NLRP8: variants seen among roughly 807,000 people sequenced by gnomAD.
The protein encoded by NLRP8 is NLR family pyrin domain containing 8, also known as NACHT, LRR and PYD domains-containing protein 8.
NLRP8 carries 86 observed loss-of-function variants against 88.7 expected under a neutral mutation model. The ratio of observed to expected loss-of-function variants is 0.97; its 90% CI spans 0.81 to 1.16. The LOEUF (loss-of-function observed/expected upper bound fraction) is 1.16. Ranked by LOEUF, NLRP8 falls within the 50% of genes most tolerant of loss-of-function variation. NLRP8 has a pLI of 0.00. For missense variants in NLRP8, 1,342 were observed against 1,286.5 expected, an observed-to-expected ratio of 1.04 and a Z score of -0.66; for synonymous variants, 504 against 494.6, an observed-to-expected ratio of 1.02 and a Z score of -0.25.
At position 55,987,921 on chromosome 19, in the gene NLRP8, A is replaced by G; in HGVS notation, c.*8A>G. 6.3e-7 allele frequency: 1 copy of G among 1,598,044 alleles called. No homozygotes were observed. The highest frequency in any genetic ancestry group is 8.6e-7 in the Non-Finnish European group (1 of 1,165,422). On this transcript the variant is annotated 3_prime_UTR_variant, in exon 10 of 10. Coordinates refer to ENST00000291971, the MANE Select transcript of NLRP8 (RefSeq NM_176811.2). ...TCCCAGATTAATCCTTAGGCCGTCC[A>G]GTCATCTTTCTCTGGGGCTTGATTG... is the stretch of plus-strand genomic sequence containing the variant.
intron 9 of NLRP8, among the ~76,000 whole-genome samples, chr19:55,980,229 G>T (rs1410941525): frequency 6.6e-6 from 1 of 152,138 alleles, no homozygotes; most frequent in African/African-American, 2.4e-5. Flanking sequence ...ATAAAATTGG[G>T]ATGGTGTCTT....
At chr19:55,958,719 T>G (rs960161476) in intron 3 of NLRP8, among the ~76,000 whole-genome samples, 1 of 152,208 alleles carries the variant, frequency 6.6e-6, no homozygotes, top group Non-Finnish European at 1.5e-5. Flanking sequence ...ATTTATTGTC[T>G]TATTATTTTT....
intron 1 of NLRP8, among the ~76,000 whole-genome samples, chr19:55,949,992 C>G (rs550450217): frequency 1.3e-5 from 2 of 152,214 alleles, no homozygotes; most frequent in East Asian, 3.9e-4. Flanking sequence ...AATAGCTCAT[C>G]ATGTGAAAAG....
intron 9 of NLRP8, among the ~76,000 whole-genome samples, chr19:55,986,850 C>T (rs1980867209): frequency 6.6e-6 from 1 of 152,152 alleles, no homozygotes; most frequent in Non-Finnish European, 1.5e-5. Context: ...TTGCTCTCTG[C>T]CCTTCCCGCT....
chr19:55,955,235 T>A lies in NLRP8; in HGVS notation c.1177T>A (p.Cys393Ser), dbSNP rs1979287326. 1 of 1,614,102 alleles carries A rather than the reference T, an allele frequency of 6.2e-7. No homozygotes were observed. Among genetic ancestry groups the A allele is most frequent in the Non-Finnish European group, 8.5e-7 (1 of 1,180,052 alleles). ...GGAAAACACCATTCTCTTCTCCATGTGCCGGGTCCCTGTGGTTTGCTGGAT... is the reference window on the plus strand; with the variant it reads ...GGAAAACACCATTCTCTTCTCCATGAGCCGGGTCCCTGTGGTTTGCTGGAT... Residue 393 changes from cysteine to serine, a missense_variant, in exon 3 of 10, where the codon TGC becomes AGC. Cys to Ser is a moderately radical substitution (Grantham distance 112). Transcript: ENST00000291971.
At chr19:55,952,638 C>T (rs1197337777) in intron 2 of NLRP8, 26 bp downstream of exon 2, 1 of 1,600,844 alleles carries the variant, frequency 6.2e-7, no homozygotes, top group South Asian at 1.1e-5. Flanking sequence ...ACAGCAGACC[C>T]TGGTGAAAAA....
intron 9 of NLRP8, among the ~76,000 whole-genome samples, chr19:55,986,473 T>TACACAC (rs896816246): frequency 0.038 from 2,743 of 72,444 alleles, 39 homozygotes; most frequent in African/African-American, 0.064. Context: ...CTCTCTCACA[T>TACACAC]ACACACACAC....
chr19:55,950,953 C>T (rs1261855796), intron 1 of NLRP8, among the ~76,000 whole-genome samples: 1 of 152,180 alleles, frequency 6.6e-6, no homozygotes, highest in Non-Finnish European at 1.5e-5. Context: ...TGGCGCACGC[C>T]TGTAGTCCCA....
At position 55,976,269 on chromosome 19, in the gene NLRP8, C is replaced by G. The variant is rs771597026; in HGVS notation, c.2842C>G (p.Leu948Val). 6 of 1,612,210 alleles carry G rather than the reference C, an allele frequency of 3.7e-6. No individual in the cohort carries two copies. Among genetic ancestry groups the G allele is most frequent in the Non-Finnish European group, 5.1e-6 (6 of 1,179,506 alleles). The stretch of plus-strand genomic sequence containing the variant: ...TGGGGTGATCCTGCTGTGTGAGGCC[C>G]TGAAGAACCCTGACTGTACATTACA... Residue 948 changes from leucine (L) to valine (V), a missense_variant, in exon 8 of 10, where the codon CTG (leucine) becomes GTG (valine). Transcript: ENST00000291971.
chr19:55,975,350 C>A (rs1399873090), intron 7 of NLRP8, among the ~76,000 whole-genome samples: 1 of 152,178 alleles, frequency 6.6e-6, no homozygotes, highest in Admixed American at 6.5e-5. Context: ...GGTGCCACTG[C>A]TTTGGAAAGC....
chr19:55,980,376 G>C (rs1980521256), intron 9 of NLRP8, among the ~76,000 whole-genome samples: 1 of 152,180 alleles, frequency 6.6e-6, no homozygotes, highest in African/African-American at 2.4e-5. Flanking sequence ...GTTGTCTATT[G>C]CTATGCAGTG....
In NLRP8 at chr19:55,966,244, C is replaced by T. The variant is rs770454023; in HGVS notation, c.2245C>T (p.Gln749Ter). 6.2e-7 allele frequency: 1 copy of T among 1,613,952 alleles called. No homozygotes were observed. The highest frequency in any genetic ancestry group is 8.5e-7 in the Non-Finnish European group (1 of 1,180,004). Residue 749 changes from glutamine to a stop codon, truncating the protein, a stop_gained, in exon 5 of 10, where the codon CAG becomes TAG. Transcript: ENST00000291971. LOFTEE classifies it high-confidence loss of function. ...GCGTGTGAATAGCACCATGTTGAAC[C>T]AGGACTTAATCGGTGTTTTGACGGG...
chr19:55,959,045 A>AT (rs1481749194), intron 3 of NLRP8, among the ~76,000 whole-genome samples: 26 of 148,338 alleles, frequency 1.8e-4, no homozygotes, highest in African/African-American at 6.2e-4. Flanking sequence ...CGCCAAGCTA[A>AT]TTTTTTGTAT....
At chr19:55,964,428 G>T (rs977382375) in intron 4 of NLRP8, among the ~76,000 whole-genome samples, 1 of 152,140 alleles carries the variant, frequency 6.6e-6, no homozygotes, top group Non-Finnish European at 1.5e-5. Flanking sequence ...TGCACAGAAC[G>T]GGCCCCTCCT....
chr19:55,961,884 C>G (rs1979627290), intron 3 of NLRP8, among the ~76,000 whole-genome samples, 183 bp from the exon 4 acceptor site: 1 of 152,144 alleles, frequency 6.6e-6, no homozygotes. Flanking sequence ...CCATGAGTCT[C>G]CCTGGAATGA....
intron 4 of NLRP8, 120 bp downstream of exon 4, chr19:55,962,357 G>T: frequency 1.8e-6 from 2 of 1,084,614 alleles, no homozygotes; most frequent in African/African-American, 1.6e-5. Flanking sequence ...GTCCAGCCTT[G>T]GACGGAGGTG....
chr19:55,966,489 T>C (rs929241117), intron 5 of NLRP8, 109 bp downstream of exon 5: 13 of 1,087,244 alleles, frequency 1.2e-5, no homozygotes, highest in Non-Finnish European at 1.7e-5. Flanking sequence ...TGATCTGCTG[T>C]TGGCTTTGTT....
intron 1 of NLRP8, among the ~76,000 whole-genome samples, chr19:55,951,224 A>G (rs1202383982): frequency 1.3e-5 from 2 of 152,242 alleles, no homozygotes; most frequent in Non-Finnish European, 1.5e-5. Context: ...GGCAGGATTT[A>G]TCAGTGTGGT....
chr19:55,970,714 T>G lies in NLRP8; in HGVS notation c.2534+18T>G, dbSNP rs767203804. ...AGGCTGTCGTAAGTCTCCTTTCTAG[T>G]GGCTGTGGTTGTGGTTGTGGTTGTG... On this transcript the variant is annotated intron_variant, in intron 6 of 9. Coordinates refer to ENST00000291971, the MANE Select transcript of NLRP8 (RefSeq NM_176811.2). 6.2e-7 allele frequency: 1 copy of G among 1,613,494 alleles called. No homozygotes were observed. The highest frequency in any genetic ancestry group is 2.2e-5 in the East Asian group (1 of 44,880).
Sources: gnomAD v4.1 joint callset for allele counts (sites outside exome capture counted in the v4.1 genomes callset) on GRCh38, gnomAD v4.1.1 for gene constraint, MANE v1.5 for transcripts, NCBI Gene and HGNC (gene_info 2026-07-23, HGNC 2026-07-21) for gene names.